PARN: variants seen among roughly 807,000 people sequenced by gnomAD.
PARN encodes the protein poly(A)-specific ribonuclease.
In PARN, 71 loss-of-function variants were observed where a neutral mutation model predicts 102.8. That is an observed-to-expected ratio of 0.69 (90% CI 0.57 to 0.84). The LOEUF (loss-of-function observed/expected upper bound fraction) is 0.84. Among genes scored for constraint, PARN ranks in the 40% least tolerant of loss-of-function variants. PARN has a pLI of 0.00. For synonymous variants in PARN, 261 were observed against 252.9 expected, an observed-to-expected ratio of 1.03 and a Z score of -0.30; for missense variants, 782 against 760.9, an observed-to-expected ratio of 1.03 and a Z score of -0.33.
intron 22 of PARN, among the ~76,000 whole-genome samples, chr16:14,475,959 C>T (rs772659355): frequency 1.2e-4 from 18 of 151,996 alleles, no homozygotes; most frequent in Non-Finnish European, 2.1e-4. Context: ...GACAAAAGAT[C>T]GCAAAGGATT....
intron 5 of PARN, among the ~76,000 whole-genome samples, chr16:14,622,088 G>A (rs945480178): frequency 3.9e-5 from 6 of 152,026 alleles, no homozygotes; most frequent in African/African-American, 1.4e-4. Flanking sequence ...AACTACTTGG[G>A]AGGCTGAGGC....
chr16:14,495,714 C>T (rs912598895), intron 21 of PARN, among the ~76,000 whole-genome samples: 3 of 152,072 alleles, frequency 2.0e-5, no homozygotes, highest in Non-Finnish European at 4.4e-5. Context: ...TTCTTTTGAA[C>T]AGGTGGAAGG....
chr16:14,488,674 T>C (rs1445118866), intron 21 of PARN, among the ~76,000 whole-genome samples: 1 of 152,204 alleles, frequency 6.6e-6, no homozygotes, highest in African/African-American at 2.4e-5. Context: ...GACATGATTC[T>C]ATACCTACTG....
At position 14,512,376 on chromosome 16, in the gene PARN, G is replaced by A. The variant is rs970408476; in HGVS notation, c.1481-29549C>T. On this transcript the variant is annotated intron_variant, in intron 21 of 23. Coordinates refer to ENST00000437198, the MANE Select transcript of PARN (RefSeq NM_002582.4). Reference sequence around the variant, plus strand: ...AAATTAGCTGGGTGTGGTGGTGCACGCCTGTAGTCCCGAGGCTGAGGCACG... The same window carrying A: ...AAATTAGCTGGGTGTGGTGGTGCACACCTGTAGTCCCGAGGCTGAGGCACG... Among the ~76,000 whole-genome samples the A allele has an allele frequency of 5.3e-5, 8 of 152,196 alleles. No individual in the cohort carries two copies. The South Asian group carries it at 6.2e-4, about 12-fold the overall frequency.
At position 14,628,233 on chromosome 16, in the gene PARN, G is replaced by A. The variant is rs1398756916; in HGVS notation, c.116C>T (p.Ser39Leu). 1.9e-6 allele frequency: 3 copies of A among 1,602,284 alleles called. No homozygotes were observed. Among genetic ancestry groups the A allele is most frequent in the East Asian group, 4.5e-5 (2 of 44,790 alleles). Reference protein sequence around the residue: ...GEFSGISDGPSVSALTNGFDT... With the variant: ...GEFSGISDGPLVSALTNGFDT... ...AAAACCATTTGTTAATGCAGAGACT[G>A]AAGGTCCATCACTGATTCCTAGATT... The change falls in exon 3 of 24, where the codon TCA (serine) becomes TTA (leucine). Residue 39 changes from serine (S) to leucine (L), a missense_variant. Physicochemically the swap from Ser to Leu is moderately radical, Grantham distance 145. Transcript: ENST00000437198.
chr16:14,586,426 A>T (rs1969859968), intron 13 of PARN, 65 bp from the exon 14 acceptor site: 2 of 945,138 alleles, frequency 2.1e-6, no homozygotes, highest in African/African-American at 3.3e-5. Context: ...AAAAACATGT[A>T]AACAGCTCAA....
rs1328854981 is a variant in PARN, at chr16:14,459,576, A to G, written c.1671-12495T>C. On this transcript the variant is annotated intron_variant, in intron 22 of 23. Coordinates refer to ENST00000437198, the MANE Select transcript of PARN (RefSeq NM_002582.4). ...ATGGGTTGGAAGACTCAATGTAGTTAAGATGTTAATTCTCCTCAAAATGGT... is the reference window on the plus strand; with the variant it reads ...ATGGGTTGGAAGACTCAATGTAGTTGAGATGTTAATTCTCCTCAAAATGGT... 4.6e-5 allele frequency among the ~76,000 whole-genome samples: 7 copies of G among 152,350 alleles called. No homozygotes were observed. The East Asian group carries it at 1.3e-3, about 29-fold the overall frequency.
intron 21 of PARN, among the ~76,000 whole-genome samples, chr16:14,514,048 C>A (rs1965335634): frequency 6.6e-6 from 1 of 152,080 alleles, no homozygotes; most frequent in African/African-American, 2.4e-5. Context: ...ATATCATGAA[C>A]CTCAGATTCT....
chr16:14,560,737 C>A (rs10500392), intron 18 of PARN, among the ~76,000 whole-genome samples: 25,905 of 152,250 alleles, frequency 0.17, 2,722 homozygotes, highest in Middle Eastern at 0.28. Context: ...TCCACTCAGT[C>A]TCTTCACAGG....
At chr16:14,576,655 G>A (rs552431763) in intron 18 of PARN, among the ~76,000 whole-genome samples, 7 of 152,290 alleles carry the variant, frequency 4.6e-5, no homozygotes, top group African/African-American at 1.7e-4. Context: ...ATAAAAGCAG[G>A]TAAATCATTT....
intron 5 of PARN, among the ~76,000 whole-genome samples, chr16:14,621,880 A>C (rs1972324602): frequency 6.6e-6 from 1 of 151,780 alleles, no homozygotes; most frequent in Non-Finnish European, 1.5e-5. Context: ...GATTTGTCAT[A>C]AATGTAACAT....
chr16:14,629,559 C>A, intron 2 of PARN, 38 bp downstream of exon 2: 1 of 1,481,426 alleles, frequency 6.8e-7, no homozygotes, highest in Non-Finnish European at 9.4e-7. Context: ...TGGCTATGCA[C>A]TGCAAAGTGC....
rs147208321 is a variant in PARN, at chr16:14,438,756, A to C, written c.1865-1984T>G. 7.4e-3 allele frequency among the ~76,000 whole-genome samples: 1,130 copies of C among 152,328 alleles called. 5 individuals carry two copies. Among genetic ancestry groups the C allele is most frequent in the Admixed American group, 0.016 (252 of 15,298 alleles). ...CATGGCTGTTCCCCAGAAAGCCAAC[A>C]GTCTATAATCAAAAAGATGCTAGTT... is the stretch of plus-strand genomic sequence containing the variant. On this transcript the variant is annotated intron_variant, in intron 23 of 23. Coordinates refer to ENST00000437198, the MANE Select transcript of PARN (RefSeq NM_002582.4).
intron 21 of PARN, among the ~76,000 whole-genome samples, chr16:14,507,131 A>G (rs12930483): frequency 0.066 from 10,002 of 151,328 alleles, 429 homozygotes; most frequent in Non-Finnish European, 0.092. Flanking sequence ...GTTCGAGACC[A>G]GCCTGACCAA....
intron 23 of PARN, among the ~76,000 whole-genome samples, chr16:14,438,415 C>T (rs1412993473): frequency 6.8e-6 from 1 of 147,318 alleles, no homozygotes; most frequent in Non-Finnish European, 1.5e-5. Flanking sequence ...GTAATCTGCA[C>T]CTGCCAATCT....
chr16:14,443,986 G>A (rs1961076461), intron 23 of PARN, among the ~76,000 whole-genome samples: 1 of 152,132 alleles, frequency 6.6e-6, no homozygotes, highest in Non-Finnish European at 1.5e-5. Context: ...CGCGGCTCCT[G>A]GCACACTCTA....
At chr16:14,548,401 T>C (rs1257389957) in intron 21 of PARN, among the ~76,000 whole-genome samples, 1 of 152,164 alleles carries the variant, frequency 6.6e-6, no homozygotes, top group Non-Finnish European at 1.5e-5. Flanking sequence ...GCAGAGACAT[T>C]AGTTACATCC....
At position 14,456,531 on chromosome 16, in the gene PARN, C is replaced by T. The variant is rs972132964; in HGVS notation, c.1671-9450G>A. 3.2e-4 allele frequency among the ~76,000 whole-genome samples: 48 copies of T among 152,056 alleles called. 1 individual carries two copies. The highest frequency in any genetic ancestry group is 2.4e-5 in the African/African-American group (1 of 41,404). On this transcript the variant is annotated intron_variant, in intron 22 of 23. Coordinates refer to ENST00000437198, the MANE Select transcript of PARN (RefSeq NM_002582.4). ...CCTTTAGTTGGCTGGAACGTTCATG[C>T]GCTGTATAAAATAACAGTACCCTTT... is the stretch of plus-strand genomic sequence containing the variant.
chr16:14,573,307 T>G (rs1219784506), intron 18 of PARN, among the ~76,000 whole-genome samples: 8 of 152,208 alleles, frequency 5.3e-5, no homozygotes, highest in Admixed American at 2.0e-4. Flanking sequence ...ACATACTCAC[T>G]TTTTGCAGTG....
Sources: gnomAD v4.1 joint callset for allele counts (sites outside exome capture counted in the v4.1 genomes callset) on GRCh38, gnomAD v4.1.1 for gene constraint, MANE v1.5 for transcripts, NCBI Gene and HGNC (gene_info 2026-07-23, HGNC 2026-07-21) for gene names.